ARID4B: variants seen among roughly 807,000 people sequenced by gnomAD.
ARID4B encodes the protein AT-rich interaction domain 4B, also known as AT-rich interactive domain-containing protein 4B.
In ARID4B, 26 loss-of-function variants were observed where a neutral mutation model predicts 147.5. The ratio of observed to expected loss-of-function variants is 0.18; its 90% confidence interval spans 0.13 to 0.24. The LOEUF (loss-of-function observed/expected upper bound fraction) is 0.24. ARID4B is among the 10% of genes least tolerant of loss of function. The pLI, the probability that ARID4B is intolerant of heterozygous loss-of-function variation, is 1.00. For synonymous variants in ARID4B, 512 were observed against 507.9 expected, an observed-to-expected ratio of 1.01 and a Z score of -0.11; for missense variants, 1,179 against 1,511.5, an observed-to-expected ratio of 0.78 and a Z score of 3.65.
chr1:235,229,096 T>C, intron 11 of ARID4B, 135 bp downstream of exon 11: 1 of 1,066,456 alleles, frequency 9.4e-7, no homozygotes, highest in Non-Finnish European at 1.3e-6. Context: ...TATGAGGATC[T>C]CAAATACAAG....
intron 12 of ARID4B, 93 bp from the exon 13 acceptor site, chr1:235,223,353 T>TTACATATATATACACGTA (rs1667591595): frequency 3.9e-6 from 1 of 256,364 alleles, no homozygotes; most frequent in South Asian, 5.1e-5. Context: ...TTATAGTATT[T>TTACATATATATACACGTA]TATATATATA....
At chr1:235,215,749 GT>G (rs968716874) in intron 16 of ARID4B, among the ~76,000 whole-genome samples, 92 of 151,736 alleles carry the variant, frequency 6.1e-4, no homozygotes, top group Non-Finnish European at 6.9e-4. Context: ...CACCCAGATA[GT>G]TTTTTATTTT....
intron 18 of ARID4B, 51 bp downstream of exon 18, chr1:235,195,980 G>A: frequency 8.8e-7 from 1 of 1,133,056 alleles, no homozygotes; most frequent in South Asian, 1.3e-5. Flanking sequence ...ATCATTTGGA[G>A]GAAAACTTCT....
At chr1:235,170,855 T>A (rs536662316) in intron 23 of ARID4B, among the ~76,000 whole-genome samples, 1 of 138,866 alleles carries the variant, frequency 7.2e-6, no homozygotes, top group East Asian at 2.1e-4. Context: ...GAGGTTGCAG[T>A]GAGCCAAGAT....
At chr1:235,200,296 T>C (rs146409724) in intron 17 of ARID4B, among the ~76,000 whole-genome samples, 107 of 152,258 alleles carry the variant, frequency 7.0e-4, no homozygotes, top group African/African-American at 2.5e-3. Context: ...GTGTCTCTAC[T>C]GAAAATACAA....
At chr1:235,309,607 T>C (rs1572213283) in intron 2 of ARID4B, among the ~76,000 whole-genome samples, 8 of 143,598 alleles carry the variant, frequency 5.6e-5, no homozygotes, top group East Asian at 2.2e-4. Context: ...GGGGCGCCTC[T>C]GCCCGGCCAC....
At chr1:235,276,895 G>A (rs1362644152) in intron 2 of ARID4B, among the ~76,000 whole-genome samples, 1 of 151,678 alleles carries the variant, frequency 6.6e-6, no homozygotes, top group Non-Finnish European at 1.5e-5. Context: ...AGCTACTCGG[G>A]AGGCTGAGGC....
chr1:235,235,943 T>C (rs1208203802), intron 8 of ARID4B, among the ~76,000 whole-genome samples: 1 of 150,182 alleles, frequency 6.7e-6, no homozygotes, highest in East Asian at 1.9e-4. Context: ...CTTTTTCTTT[T>C]TCTTTTTTTT....
intron 2 of ARID4B, among the ~76,000 whole-genome samples, chr1:235,271,290 G>A (rs1464181356): frequency 1.3e-5 from 2 of 152,132 alleles, no homozygotes; most frequent in African/African-American, 4.8e-5. Context: ...AGGAGGTTGT[G>A]GCCGCAGTGA....
intron 2 of ARID4B, among the ~76,000 whole-genome samples, chr1:235,307,680 C>T (rs1169520709): frequency 2.0e-5 from 3 of 152,142 alleles, no homozygotes; most frequent in African/African-American, 7.2e-5. Flanking sequence ...GCTCAAATGA[C>T]CTTTCAAAGT....
At chr1:235,220,262 A>T in intron 15 of ARID4B, 40 bp downstream of exon 15, 1 of 1,541,998 alleles carries the variant, frequency 6.5e-7, no homozygotes, top group Non-Finnish European at 8.7e-7. Context: ...TGGAAAATAT[A>T]CCAAAGAAAG....
At chr1:235,175,115 A>T in intron 22 of ARID4B, 69 bp downstream of exon 22, 2 of 1,432,550 alleles carry the variant, frequency 1.4e-6, no homozygotes, top group Non-Finnish European at 2.0e-6. Context: ...CTAAAAACAA[A>T]AACAAAATAA....
chr1:235,225,688 C>T (rs1173503557), intron 11 of ARID4B, among the ~76,000 whole-genome samples: 1 of 152,176 alleles, frequency 6.6e-6, no homozygotes, highest in Admixed American at 6.5e-5. Flanking sequence ...CTTAAATATA[C>T]AGATTTGTAA....
rs1264704069 is a variant in ARID4B, at chr1:235,183,792, C to A, written c.2126-999G>T. Among the ~76,000 whole-genome samples the A allele has an allele frequency of 1.3e-5, 2 of 150,618 alleles. 1 individual carries two copies. Among genetic ancestry groups the A allele is most frequent in the East Asian group, 3.9e-4 (2 of 5,142 alleles). On this transcript the variant is annotated intron_variant, in intron 19 of 23. Transcript: ENST00000264183. ...CTCTTTCCTTTCTCTTTCTTTATTT[C>A]TCTCTCTCTCTCTATTTTTTTCTGA... is the stretch of plus-strand genomic sequence containing the variant.
intron 23 of ARID4B, 110 bp from the exon 24 acceptor site, chr1:235,168,762 T>C: frequency 2.6e-6 from 3 of 1,167,414 alleles, no homozygotes; most frequent in Non-Finnish European, 3.6e-6. Context: ...CCAAAATCAT[T>C]TAGCTTACAA....
intron 2 of ARID4B, among the ~76,000 whole-genome samples, chr1:235,319,650 T>C (rs1268465747): frequency 1.3e-5 from 2 of 152,154 alleles, no homozygotes; most frequent in African/African-American, 4.8e-5. Flanking sequence ...AATGCCTTCA[T>C]GGTCATACTC....
chr1:235,281,238 G>A (rs182930340), intron 2 of ARID4B, among the ~76,000 whole-genome samples: 2 of 151,598 alleles, frequency 1.3e-5, no homozygotes, highest in East Asian at 3.9e-4. Context: ...GGCAACATAG[G>A]GAAACTGCCT....
intron 5 of ARID4B, among the ~76,000 whole-genome samples, chr1:235,255,269 A>ATCTATC (rs1553304391): frequency 0.037 from 4,788 of 130,810 alleles, 124 homozygotes; most frequent in African/African-American, 0.059. Context: ...ATAGATATAT[A>ATCTATC]TCTCTCTCTC....
At position 235,196,013 on chromosome 1, in the gene ARID4B, G is replaced by A. The variant is rs764678619; in HGVS notation, c.1926+18C>T. On this transcript the variant is annotated intron_variant, in intron 18 of 23. Coordinates refer to ENST00000264183, the MANE Select transcript of ARID4B (RefSeq NM_016374.6). ...TCTTTTTAAGAGCTAATAGTGTGTAGTAAAAACAAGCACTTACCTTTATTT... is the reference window on the plus strand; with the variant it reads ...TCTTTTTAAGAGCTAATAGTGTGTAATAAAAACAAGCACTTACCTTTATTT... 2.6e-6 allele frequency: 4 copies of A among 1,517,512 alleles called. No individual in the cohort carries two copies. Among genetic ancestry groups the A allele is most frequent in the African/African-American group, 1.4e-5 (1 of 72,274 alleles). 94.0% of individuals were successfully genotyped at this position (1,517,512 alleles called of 1,614,324 possible). A position where few individuals can be genotyped will look rare whatever the true frequency, so the allele number is the denominator to read the frequency against.
Sources: gnomAD v4.1 joint callset for allele counts (sites outside exome capture counted in the v4.1 genomes callset) on GRCh38, gnomAD v4.1.1 for gene constraint, MANE v1.5 for transcripts, NCBI Gene and HGNC (gene_info 2026-07-23, HGNC 2026-07-21) for gene names.